ARAP3: variants seen among roughly 807,000 people sequenced by gnomAD.
The protein encoded by ARAP3 is arf-GAP with Rho-GAP domain, ANK repeat and PH domain-containing protein 3.
A neutral mutation model predicts 169.2 loss-of-function variants in ARAP3; 82 were observed. That is an observed-to-expected ratio of 0.48 (90% CI 0.41 to 0.58). The LOEUF (loss-of-function observed/expected upper bound fraction) is 0.58, where lower values mean the gene tolerates loss of function less well. ARAP3 is among the 20% of genes least tolerant of loss of function. The probability of loss-of-function intolerance (pLI) is 0.00; values close to 1 mark genes in which losing one functional copy is unlikely to be tolerated. For missense variants in ARAP3, 1,764 were observed against 2,018.0 expected (o/e 0.87, Z 2.41); for synonymous variants, 791 against 800.3 (o/e 0.99, Z 0.20).
rs768509113 is a variant in ARAP3 at position 141,672,192 on chromosome 5, G to A, written c.1495C>T (p.Arg499Trp). Residue 499 changes from arginine to tryptophan, a missense_variant, in exon 10 of 33, where the codon CGG becomes TGG. By Grantham distance (101) the Arg-to-Trp change is moderately radical. Coordinates refer to ENST00000239440, the MANE Select transcript of ARAP3 (RefSeq NM_022481.6). The surrounding 1 kb of genome is among the most constrained non-coding windows in gnomAD (Gnocchi z 4.9). Reference sequence around the variant, plus strand: ...CAGTCCGCACACTGCCGGTTGGCCCGATTAGACCAGATCTTCTCAGCCACC... The same window carrying A: ...CAGTCCGCACACTGCCGGTTGGCCCAATTAGACCAGATCTTCTCAGCCACC... ...YEVAEKIWSN[R>W]ANRQCADCGS... 71 of 1,614,086 alleles carry A rather than the reference G, an allele frequency of 4.4e-5. No homozygotes were observed. Among genetic ancestry groups the A allele is most frequent in the Middle Eastern group, 3.3e-4 (2 of 6,084 alleles).
chr5:141,664,854 G>A lies in ARAP3; in HGVS notation c.2800+68C>T, dbSNP rs569719564. On this transcript the variant is annotated intron_variant, in intron 19 of 32. Coordinates refer to ENST00000239440, the MANE Select transcript of ARAP3 (RefSeq NM_022481.6). ...CACGTTCCACCCTGGCTGTGCTCAC[G>A]TTCTCCACCCCCTCATCACCCCCAC... 1.6e-5 allele frequency: 20 copies of A among 1,248,506 alleles called. No homozygotes were observed. In the African/African-American group the frequency reaches 2.9e-4, roughly 18 times the overall value. 77.3% of individuals were successfully genotyped at this position (1,248,506 alleles called of 1,614,324 possible).
chr5:141,666,335 C>T (rs2099910636), intron 17 of ARAP3, 89 bp downstream of exon 17: 3 of 1,234,022 alleles, frequency 2.4e-6, no homozygotes, highest in Non-Finnish European at 2.1e-6. Context: ...TCTGCTGTTT[C>T]CCATAAGAAC....
Position 141,658,599 on chromosome 5 carries a change from C to G in ARAP3, c.3391G>C (p.Asp1131His), listed in dbSNP as rs1259021552. The G allele has an allele frequency of 6.2e-7, 1 of 1,612,878 alleles. No homozygotes were observed. ...CCAACCTTCAGGGTGACACAGTTGT[C>G]TGGGAGCTGCTGCTCTATATAAACT... ...MEVYIEQQLP[D>H]NCVTLKVSPT... Residue 1131 changes from aspartate (D) to histidine (H), a missense_variant, in exon 24 of 33, where the codon GAC becomes CAC. Coordinates refer to ENST00000239440, the MANE Select transcript of ARAP3 (RefSeq NM_022481.6).
At chr5:141,669,653 A>T in intron 16 of ARAP3, 56 bp downstream of exon 16, 1 of 1,514,824 alleles carries the variant, frequency 6.6e-7, no homozygotes, top group South Asian at 1.1e-5. Context: ...AGAAGATGGG[A>T]GCACGTGGGG....
intron 19 of ARAP3, among the ~76,000 whole-genome samples, chr5:141,663,332 CT>C (rs1225761619): frequency 6.6e-6 from 1 of 152,142 alleles, no homozygotes; most frequent in Admixed American, 6.6e-5. Flanking sequence ...GAGTTTTGCT[CT>C]TTCACCCGGG....
At position 141,655,873 on chromosome 5, in the gene ARAP3, G is replaced by A; in HGVS notation, c.3968C>T (p.Ala1323Val). 6.2e-7 allele frequency: 1 copy of A among 1,614,052 alleles called. No homozygotes were observed. Among genetic ancestry groups the A allele is most frequent in the Non-Finnish European group, 8.5e-7 (1 of 1,179,920 alleles). ...CAGCCTTTTCTTTCCCCTCACCTGG[G>A]CTTTAAGGATGCTGGTGGTCCAATC... The part of the protein sequence containing the change: ...MWDWTTSILK[A>V]QHDDQQPVVL... The change falls in exon 30 of 33, where the codon GCC becomes GTC. Residue 1323 changes from alanine (A) to valine (V), a missense_variant. Ala to Val is a moderately conservative substitution (Grantham distance 64). This residue lies in a region of ARAP3 where 1,112 missense variants were observed against 1,285.7 expected (regional missense o/e 0.86). Coordinates refer to ENST00000239440, the MANE Select transcript of ARAP3 (RefSeq NM_022481.6).
At chr5:141,655,284 ACAGCACACCCGGGGCTCAGG>A in intron 32 of ARAP3, 58 bp downstream of exon 32, 2 of 1,512,072 alleles carry the variant, frequency 1.3e-6, no homozygotes, top group Non-Finnish European at 1.8e-6. Flanking sequence ...CATGAGGAAA[ACAGCACACCCGGGGCTCAGG>A]CAGCACAGAG....
chr5:141,661,545 T>C, intron 21 of ARAP3, 139 bp downstream of exon 21: 1 of 879,584 alleles, frequency 1.1e-6, no homozygotes. Flanking sequence ...ATCCATTCTC[T>C]GAACCTTAGT....
intron 25 of ARAP3, among the ~76,000 whole-genome samples, chr5:141,657,520 A>T (rs1041476472): frequency 6.6e-6 from 1 of 152,252 alleles, no homozygotes; most frequent in African/African-American, 2.4e-5. Context: ...TGGCTGCTGC[A>T]TGGAAAATGG....
chr5:141,669,658 G>T (rs752540497), intron 16 of ARAP3, 51 bp downstream of exon 16: 2 of 1,549,042 alleles, frequency 1.3e-6, no homozygotes, highest in South Asian at 1.1e-5. Flanking sequence ...ATGGGAGCAC[G>T]TGGGGACAAG....
chr5:141,673,951 CTTTTCTTCTTT>C (rs2099911797), intron 4 of ARAP3, 143 bp from the exon 5 acceptor site: 4 of 573,966 alleles, frequency 7.0e-6, no homozygotes, highest in African/African-American at 4.0e-5. Context: ...TTTTTCTTTT[CTTTTCTTCTTT>C]TTTTTTTTTT....
In ARAP3 at chr5:141,680,142, C is replaced by T. The variant is rs777248439; in HGVS notation, c.345G>A (p.Gly115=). 2 of 1,609,356 alleles carry T rather than the reference C, an allele frequency of 1.2e-6. No individual in the cohort carries two copies. The highest frequency in any genetic ancestry group is 1.1e-5 in the South Asian group (1 of 90,682). Residue 115 remains glycine (G), a synonymous_variant, in exon 2 of 33, where the codon GGG becomes GGA. Transcript: ENST00000239440. ...LSGPATTQRP[G]LSPALGGPGV... ...CTGGTCCCCCGAGGGCTGGGCTCAG[C>T]CCAGGTCTCTGAGTGGTGGCAGGGC... is the stretch of plus-strand genomic sequence containing the variant.
Position 141,656,048 on chromosome 5 carries a change from G to T in ARAP3, c.3908+16C>A. 1 of 1,614,122 alleles carries T rather than the reference G, an allele frequency of 6.2e-7. No individual in the cohort carries two copies. Among genetic ancestry groups the T allele is most frequent in the Non-Finnish European group, 8.5e-7 (1 of 1,180,026 alleles). ...AGAGGTGGGCCAGAGGAGAAGCCAG[G>T]GCAGGAGGTACTCACAGGTGCATCT... On this transcript the variant is annotated intron_variant, in intron 29 of 32. Coordinates refer to ENST00000239440, the MANE Select transcript of ARAP3 (RefSeq NM_022481.6).
chr5:141,670,167 T>A lies in ARAP3; in HGVS notation c.2108-104A>T. ...CTGTGCCAAGCCCTTTGCCCATATA[T>A]GATCCCATGTAATCTTCACAATAAC... On this transcript the variant is annotated intron_variant, in intron 14 of 32. Transcript: ENST00000239440. 2.8e-6 allele frequency: 4 copies of A among 1,432,534 alleles called. 1 individual carries two copies. In the South Asian group the frequency reaches 5.5e-5, roughly 20 times the overall value. 88.7% of individuals were successfully genotyped at this position (1,432,534 alleles called of 1,614,324 possible). A position where few individuals can be genotyped will look rare whatever the true frequency, so the allele number is the denominator to read the frequency against.
In ARAP3 at chr5:141,672,986, C is replaced by A. The variant is rs2099911650; in HGVS notation, c.1093+27G>T. ...CTCACACAGCCTCCCTCCCTCCTGC[C>A]CTGACTCAGGGGGCTGTGGCCCTCA... On this transcript the variant is annotated intron_variant, in intron 7 of 32. Coordinates refer to ENST00000239440, the MANE Select transcript of ARAP3 (RefSeq NM_022481.6). The surrounding 1 kb of genome is among the most constrained non-coding windows in gnomAD (Gnocchi z 4.9). 3 of 1,614,084 alleles carry A rather than the reference C, an allele frequency of 1.9e-6. No homozygotes were observed. The highest frequency in any genetic ancestry group is 2.5e-6 in the Non-Finnish European group (3 of 1,179,980).
chr5:141,668,075 T>A (rs181911078), intron 16 of ARAP3, among the ~76,000 whole-genome samples: 5 of 151,484 alleles, frequency 3.3e-5, no homozygotes, highest in African/African-American at 1.2e-4. Context: ...TAAAAATGAG[T>A]TGCTAGAAAA....
intron 2 of ARAP3, 35 bp from the exon 3 acceptor site, chr5:141,679,857 G>A (rs762706271): frequency 1.2e-6 from 2 of 1,610,304 alleles, no homozygotes; most frequent in Non-Finnish European, 1.7e-6. Flanking sequence ...CTTAAGGAGA[G>A]AGGAGGAAGA....
At chr5:141,675,282 CA>C (rs1235341137) in intron 4 of ARAP3, among the ~76,000 whole-genome samples, 16 of 152,270 alleles carry the variant, frequency 1.1e-4, no homozygotes, top group African/African-American at 3.9e-4. Flanking sequence ...CAGGGGTTCT[CA>C]ACCTCAACAG....
In ARAP3 at chr5:141,671,086, AT is replaced by A. The variant is rs2099911376; in HGVS notation, c.1990+178del. The stretch of plus-strand genomic sequence containing the variant: ...TGGAACACCCAGACCCTCCCCAGCC[AT>A]GACCGTCATCAGCTATCACATGACA... On this transcript the variant is annotated intron_variant, in intron 13 of 32. Transcript: ENST00000239440. The surrounding 1 kb of genome is among the most constrained non-coding windows in gnomAD (Gnocchi z 4.9). 6.6e-6 allele frequency among the ~76,000 whole-genome samples: 1 copy of A among 152,212 alleles called. No homozygotes were observed. The highest frequency in any genetic ancestry group is 2.1e-4 in the South Asian group (1 of 4,834).
Sources: gnomAD v4.1 joint callset for allele counts (sites outside exome capture counted in the v4.1 genomes callset) on GRCh38, gnomAD v4.1.1 for gene constraint, gnomAD v4.1.1 regional missense constraint, Gnocchi (gnomAD v3.1) non-coding constraint, MANE v1.5 for transcripts, NCBI Gene and HGNC (gene_info 2026-07-23, HGNC 2026-07-21) for gene names.